The following SLC6A9 variants were observed in gnomAD, a reference collection of about 807,000 sequenced individuals.
The protein encoded by SLC6A9 is sodium- and chloride-dependent glycine transporter 1.
In SLC6A9, 31 loss-of-function variants were observed where a neutral mutation model predicts 70.9. That is an observed-to-expected ratio of 0.44 (90% CI 0.33 to 0.59). The LOEUF (loss-of-function observed/expected upper bound fraction) is 0.59. Among genes scored for constraint, SLC6A9 ranks in the 20% least tolerant of loss-of-function variants. The probability of loss-of-function intolerance (pLI) is 0.04; values close to 1 mark genes in which losing one functional copy is unlikely to be tolerated. For synonymous variants in SLC6A9, 310 were observed against 341.3 expected (o/e 0.91, Z 1.01); for missense variants, 631 against 845.2 (o/e 0.75, Z 3.14).
rs1162873278 is a variant in SLC6A9, at chr1:44,001,314, G to A, written c.1201-16C>T. The A allele has an allele frequency of 6.2e-6, 10 of 1,614,078 alleles. No homozygotes were observed. Among genetic ancestry groups the A allele is most frequent in the Non-Finnish European group, 5.9e-6 (7 of 1,180,034 alleles). ...GGAGGCAGAACTGCAGGATGTGGCTGTCAGATCGGAGACCTGCCCCTTGTT... is the reference window on the plus strand; with the variant it reads ...GGAGGCAGAACTGCAGGATGTGGCTATCAGATCGGAGACCTGCCCCTTGTT... On this transcript the variant is annotated splice_polypyrimidine_tract_variant and intron_variant, in intron 9 of 13. Coordinates refer to ENST00000372310, the MANE Select transcript of SLC6A9 (RefSeq NM_001024845.3).
rs780888750 is a variant in SLC6A9 at position 44,002,284 on chromosome 1, G to A, written c.962+29C>T. On this transcript the variant is annotated intron_variant, in intron 8 of 13. Coordinates refer to ENST00000372310, the MANE Select transcript of SLC6A9 (RefSeq NM_001024845.3). The surrounding 1 kb of genome is among the most constrained non-coding windows in gnomAD (Gnocchi z 5.5). ...AGGCTGCAGAGAGTGCAGGAAGGGG[G>A]CAGCCTCAGCCCAGCAGGGAGCACT... is the stretch of plus-strand genomic sequence containing the variant. The A allele has an allele frequency of 1.3e-6, 2 of 1,521,868 alleles. No individual in the cohort carries two copies. The highest frequency in any genetic ancestry group is 2.3e-5 in the East Asian group (1 of 44,400). The allele number at this position is 1,521,868 out of a possible 1,614,324, so 94.3% of individuals were successfully genotyped here. A position where few individuals can be genotyped will look rare whatever the true frequency, so the allele number is the denominator to read the frequency against.
chr1:44,008,297 G>C (rs923744038), intron 5 of SLC6A9, 56 bp downstream of exon 5: 1 of 1,576,884 alleles, frequency 6.3e-7, no homozygotes, highest in African/African-American at 1.3e-5. Context: ...TGGTTGCCCA[G>C]TGGGGACAGG....
rs749159248 is a variant in SLC6A9, at chr1:44,001,414, A to G, written c.1176T>C (p.Leu392=). 8 of 1,613,326 alleles carry G rather than the reference A, an allele frequency of 5.0e-6. No individual in the cohort carries two copies. The highest frequency in any genetic ancestry group is 4.0e-5 in the African/African-American group (3 of 74,900). Residue 392 remains leucine, a synonymous_variant, in exon 9 of 14, where the codon CTT becomes CTC. Coordinates refer to ENST00000372310, the MANE Select transcript of SLC6A9 (RefSeq NM_001024845.3). Reference sequence around the variant, plus strand: ...CCTGAGTGCCCAGCCCCAGCAGGATAAGCATGAAGAAGAAGAGCAGAGACC... The same window carrying G: ...CCTGAGTGCCCAGCCCCAGCAGGATGAGCATGAAGAAGAAGAGCAGAGACC... ...PLWSLLFFFM[L]ILLGLGTQFC... is the part of the protein sequence containing the mutation.
chr1:44,011,509 C>G, intron 2 of SLC6A9: 1 of 1,536,866 alleles, frequency 6.5e-7, no homozygotes. Context: ...TGGGAGGGTC[C>G]GGGGAGCTAG....
At chr1:44,006,354 G>A (rs2086310364) in intron 5 of SLC6A9, among the ~76,000 whole-genome samples, 1 of 152,062 alleles carries the variant, frequency 6.6e-6, no homozygotes, top group Non-Finnish European at 1.5e-5. Context: ...TTGGGAGGCC[G>A]AGGTGGGTGG....
At chr1:44,003,232 T>C (rs1044460114) in intron 5 of SLC6A9, among the ~76,000 whole-genome samples, 2 of 152,250 alleles carry the variant, frequency 1.3e-5, no homozygotes, top group Non-Finnish European at 2.9e-5. Context: ...CAAGGGCTCC[T>C]GGAGGCCACA....
At chr1:44,009,656 A>T (rs1175558076) in intron 4 of SLC6A9, among the ~76,000 whole-genome samples, 1 of 152,214 alleles carries the variant, frequency 6.6e-6, no homozygotes, top group Admixed American at 6.5e-5. Flanking sequence ...AATAATTTCT[A>T]AGGGCCCAAG....
chr1:44,018,543 G>A lies in SLC6A9; in HGVS notation c.30+5705C>T, dbSNP rs59814256. Among the ~76,000 whole-genome samples, 15,154 of 151,404 alleles carry A rather than the reference G, an allele frequency of 0.1. 2,342 individuals carry two copies. Among genetic ancestry groups the A allele is most frequent in the African/African-American group, 0.33 (13,726 of 41,146 alleles). ...CGGGAGGTGGAGGTTGCAGTGAGCCGAGATCGCGCCATTGCATTCCAGCCT... is the reference window on the plus strand; with the variant it reads ...CGGGAGGTGGAGGTTGCAGTGAGCCAAGATCGCGCCATTGCATTCCAGCCT... On this transcript the variant is annotated intron_variant, in intron 2 of 13. Transcript: ENST00000372310. This position sits in a 1 kb window ranked among gnomAD's most constrained non-coding sequence, Gnocchi z 4.2.
intron 2 of SLC6A9, chr1:44,011,675 A>G: frequency 6.2e-7 from 1 of 1,614,102 alleles, no homozygotes; most frequent in Non-Finnish European, 8.5e-7. Flanking sequence ...GAGTGGCTCC[A>G]GAAAAGGGTG....
rs199776246 is a variant in SLC6A9, at chr1:44,008,308, G to A, written c.590+45C>T. The A allele has an allele frequency of 2.9e-5, 47 of 1,600,854 alleles. No individual in the cohort carries two copies. In the East Asian group the frequency reaches 9.8e-4, roughly 34 times the overall value. On this transcript the variant is annotated intron_variant, in intron 5 of 13. Coordinates refer to ENST00000372310, the MANE Select transcript of SLC6A9 (RefSeq NM_001024845.3). The stretch of plus-strand genomic sequence containing the variant: ...CAGATGGTTGCCCAGTGGGGACAGG[G>A]TTGCCACCAGGTTCCCCCCACCCCA...
intron 1 of SLC6A9, among the ~76,000 whole-genome samples, chr1:44,029,889 T>C (rs2087061639): frequency 6.6e-6 from 1 of 152,156 alleles, no homozygotes. Flanking sequence ...GCTCCCTCAC[T>C]TTGGCAGTCT....
At chr1:43,998,982 A>AGGGG (rs66857635) in intron 12 of SLC6A9, among the ~76,000 whole-genome samples, 98 of 134,504 alleles carry the variant, frequency 7.3e-4, no homozygotes, top group African/African-American at 1.8e-3. Context: ...TGGCGGGGGA[A>AGGGG]GGGGGGGGGC....
chr1:44,009,990 G>C lies in SLC6A9; in HGVS notation c.294C>G (p.Val98=). 1 of 1,614,076 alleles carries C rather than the reference G, an allele frequency of 6.2e-7. No homozygotes were observed. The highest frequency in any genetic ancestry group is 1.7e-5 in the Admixed American group (1 of 60,022). The change falls in exon 4 of 14, where the codon GTC becomes GTG. Residue 98 remains valine (V), a synonymous_variant. Transcript: ENST00000372310. ...GQFASQGCLG[V]WRISPMFKGV... is the part of the protein sequence containing the mutation. ...CTTTGAACATGGGGCTGATCCTCCAGACCCCCAGGCACCCCTGGCTTGCAA... is the reference window on the plus strand; with the variant it reads ...CTTTGAACATGGGGCTGATCCTCCACACCCCCAGGCACCCCTGGCTTGCAA...
chr1:43,997,799 C>T lies in SLC6A9; in HGVS notation c.1707+56G>A. The T allele has an allele frequency of 6.3e-7, 1 of 1,588,982 alleles. No homozygotes were observed. The highest frequency in any genetic ancestry group is 8.6e-7 in the Non-Finnish European group (1 of 1,165,100). Reference sequence around the variant, plus strand: ...CACGTCAGGAGGGAGCCCTTAAGCCCCTTCCAGCTGGCCCCTCCCATTTTG... The same window carrying T: ...CACGTCAGGAGGGAGCCCTTAAGCCTCTTCCAGCTGGCCCCTCCCATTTTG... On this transcript the variant is annotated intron_variant, in intron 13 of 13. Transcript: ENST00000372310. The surrounding 1 kb of genome is among the most constrained non-coding windows in gnomAD (Gnocchi z 4.4).
intron 2 of SLC6A9, chr1:44,011,700 C>T: frequency 1.2e-6 from 2 of 1,614,010 alleles, no homozygotes; most frequent in Non-Finnish European, 1.7e-6. Flanking sequence ...GAAGAAGGAT[C>T]TCTGAACAGG....
At chr1:44,017,153 AGC>A in intron 2 of SLC6A9, 2 of 1,606,234 alleles carry the variant, frequency 1.2e-6, no homozygotes, top group Non-Finnish European at 1.7e-6. Context: ...TGCCAGCTCC[AGC>A]GCGACACTGA....
At chr1:44,022,199 C>T (rs946192522) in intron 2 of SLC6A9, among the ~76,000 whole-genome samples, 3 of 152,222 alleles carry the variant, frequency 2.0e-5, no homozygotes, top group Non-Finnish European at 4.4e-5. Context: ...CTCTGGGACA[C>T]TGGGAGCCAT....
In SLC6A9 at chr1:43,997,726, G is replaced by A. The variant is rs146175246; in HGVS notation, c.1721C>T (p.Ala574Val). ...GDTLLQRLKNATKPSRDWGPA... is the reference protein window; with the variant it reads ...GDTLLQRLKNVTKPSRDWGPA... ...GCCCCAGTCTCTGCTTGGCTTTGTG[G>A]CATTTTTCAAACGCTGCATGAGGTA... The change falls in exon 14 of 14, where the codon GCC becomes GTC. Residue 574 changes from alanine to valine, a missense_variant. By Grantham distance (64) the Ala-to-Val change is moderately conservative. Transcript: ENST00000372310. The surrounding 1 kb of genome is among the most constrained non-coding windows in gnomAD (Gnocchi z 4.4). The A allele has an allele frequency of 1.6e-4, 252 of 1,607,062 alleles. No homozygotes were observed. In the East Asian group the frequency reaches 3.1e-3, roughly 20 times the overall value.
rs777966364 is a variant in SLC6A9 at position 44,022,718 on chromosome 1, C to CTTTTTTTTTTTT, written c.30+1529_30+1530insAAAAAAAAAAAA. On this transcript the variant is annotated intron_variant, in intron 2 of 13. Coordinates refer to ENST00000372310, the MANE Select transcript of SLC6A9 (RefSeq NM_001024845.3). ...TTAATTTTTCTTTCTTTCTTTCTTT[C>CTTTTTTTTTTTT]TTTCTTTTTTTTTTTTTTGAGACAG... Among the ~76,000 whole-genome samples the CTTTTTTTTTTTT allele has an allele frequency of 1.8e-4, 11 of 59,938 alleles. 1 individual carries two copies. Among genetic ancestry groups the CTTTTTTTTTTTT allele is most frequent in the Admixed American group, 3.1e-4 (2 of 6,544 alleles). The allele number at this position is 59,938 out of a possible 152,430, so 39.3% of individuals were successfully genotyped here.
Sources: allele counts gnomAD v4.1 joint callset (sites outside exome capture counted in the v4.1 genomes callset), GRCh38; gene constraint gnomAD v4.1.1; non-coding constraint Gnocchi (gnomAD v3.1); transcripts MANE v1.5; gene names NCBI Gene and HGNC (gene_info 2026-07-23, HGNC 2026-07-21).